The following DNAJC1 variants were observed in gnomAD, a reference collection of about 807,000 sequenced individuals.
DNAJC1 encodes the protein dnaJ homolog subfamily C member 1.
In DNAJC1, 58 loss-of-function variants were observed where a neutral mutation model predicts 76.6. The observed-to-expected ratio is 0.76, with a 90% CI of 0.61 to 0.94. DNAJC1 has a LOEUF of 0.94. DNAJC1 is among the 40% of genes least tolerant of loss of function. The pLI, the probability that DNAJC1 is intolerant of heterozygous loss-of-function variation, is 0.00. For missense variants in DNAJC1, 689 were observed against 677.3 expected (o/e 1.02, Z -0.19); for synonymous variants, 258 against 267.9 (o/e 0.96, Z 0.36).
At chr10:21,910,079 G>A (rs1480908842) in intron 6 of DNAJC1, among the ~76,000 whole-genome samples, 1 of 152,032 alleles carries the variant, frequency 6.6e-6, no homozygotes, top group Non-Finnish European at 1.5e-5. Context: ...TCCAAGATTA[G>A]TAAGCTGTGA....
At chr10:21,942,188 T>C (rs191176561) in intron 1 of DNAJC1, among the ~76,000 whole-genome samples, 8 of 152,284 alleles carry the variant, frequency 5.3e-5, no homozygotes, top group Admixed American at 5.2e-4. Flanking sequence ...ATAGTGTTGA[T>C]ATTAACATTG....
At chr10:21,952,627 C>T (rs1012735789) in intron 1 of DNAJC1, among the ~76,000 whole-genome samples, 2 of 152,098 alleles carry the variant, frequency 1.3e-5, no homozygotes, top group Non-Finnish European at 2.9e-5. Context: ...GGCATAGTGG[C>T]GTGCGCCTGT....
intron 9 of DNAJC1, among the ~76,000 whole-genome samples, chr10:21,793,715 G>A (rs1281232595): frequency 6.6e-6 from 1 of 152,122 alleles, no homozygotes; most frequent in East Asian, 1.9e-4. Flanking sequence ...AGAGGTCAAG[G>A]CAGGAGGATC....
intron 7 of DNAJC1, among the ~76,000 whole-genome samples, chr10:21,895,382 C>T (rs1276580945): frequency 2.0e-5 from 3 of 152,238 alleles, no homozygotes; most frequent in African/African-American, 7.2e-5. Flanking sequence ...TGCAAAGTAG[C>T]AATGAACTTG....
intron 1 of DNAJC1, among the ~76,000 whole-genome samples, chr10:21,931,553 T>C (rs191161462): frequency 1.3e-5 from 2 of 152,338 alleles, no homozygotes; most frequent in African/African-American, 4.8e-5. Context: ...TTATTTTGGC[T>C]GTTTAGGTTC....
intron 8 of DNAJC1, among the ~76,000 whole-genome samples, chr10:21,840,581 C>T (rs979180886): frequency 6.6e-6 from 1 of 152,050 alleles, no homozygotes; most frequent in African/African-American, 2.4e-5. Context: ...AACTACAAAC[C>T]ACTGCTCAAC....
At chr10:21,986,995 T>C (rs867518444) in intron 1 of DNAJC1, among the ~76,000 whole-genome samples, 6 of 152,188 alleles carry the variant, frequency 3.9e-5, no homozygotes, top group Admixed American at 2.0e-4. Context: ...CTCAAACTCC[T>C]GACCTCAAGT....
chr10:21,804,726 G>A (rs1369539976), intron 9 of DNAJC1, among the ~76,000 whole-genome samples: 1 of 150,346 alleles, frequency 6.7e-6, no homozygotes, highest in East Asian at 1.9e-4. Flanking sequence ...CTTCAACTCT[G>A]AAGCAAAAAT....
At chr10:21,833,993 G>A (rs1044046096) in intron 8 of DNAJC1, among the ~76,000 whole-genome samples, 11 of 152,188 alleles carry the variant, frequency 7.2e-5, no homozygotes, top group African/African-American at 2.4e-4. Flanking sequence ...GGCCAGGTGC[G>A]GTGGCTCACA....
At chr10:21,836,432 T>C (rs1305985394) in intron 8 of DNAJC1, among the ~76,000 whole-genome samples, 1 of 152,096 alleles carries the variant, frequency 6.6e-6, no homozygotes, top group Admixed American at 6.5e-5. Context: ...ACGAGCAACA[T>C]AACCAGCTAA....
intron 10 of DNAJC1, among the ~76,000 whole-genome samples, chr10:21,765,246 T>C (rs188161013): frequency 5.9e-5 from 9 of 152,274 alleles, no homozygotes; most frequent in Admixed American, 6.5e-5. Context: ...ACGTTTATTT[T>C]TCAGAAATGG....
At chr10:21,801,878 C>T (rs534478215) in intron 9 of DNAJC1, among the ~76,000 whole-genome samples, 1 of 152,096 alleles carries the variant, frequency 6.6e-6, no homozygotes, top group African/African-American at 2.4e-5. Flanking sequence ...CCTTAGCAAA[C>T]TAACGCAGGA....
At chr10:21,954,345 C>T (rs1001422734) in intron 1 of DNAJC1, among the ~76,000 whole-genome samples, 3 of 152,154 alleles carry the variant, frequency 2.0e-5, no homozygotes, top group Admixed American at 6.5e-5. Context: ...AATGTCTTCA[C>T]TAGCCTAGAA....
chr10:21,825,342 G>A (rs970989964), intron 8 of DNAJC1, among the ~76,000 whole-genome samples: 5 of 152,140 alleles, frequency 3.3e-5, no homozygotes, highest in Non-Finnish European at 7.4e-5. Context: ...TTCTTTCAGT[G>A]TTCATCCCCA....
intron 1 of DNAJC1, among the ~76,000 whole-genome samples, chr10:21,984,613 T>TA (rs1485163326): frequency 6.6e-6 from 1 of 152,214 alleles, no homozygotes; most frequent in Non-Finnish European, 1.5e-5. Flanking sequence ...ATAGGAGTTC[T>TA]ACTAAAAGGA....
At chr10:21,960,298 A>G (rs1564838940) in intron 1 of DNAJC1, among the ~76,000 whole-genome samples, 2 of 152,228 alleles carry the variant, frequency 1.3e-5, no homozygotes, top group South Asian at 2.1e-4. Context: ...AAATAACAGG[A>G]AAGAACAGAA....
At chr10:21,897,801 A>C (rs1836568033) in intron 7 of DNAJC1, among the ~76,000 whole-genome samples, 1 of 152,184 alleles carries the variant, frequency 6.6e-6, no homozygotes, top group East Asian at 1.9e-4. Context: ...CTTTCCCCTT[A>C]AGGTTTGGAA....
intron 9 of DNAJC1, among the ~76,000 whole-genome samples, chr10:21,780,786 A>G (rs1025211497): frequency 6.6e-6 from 1 of 152,218 alleles, no homozygotes; most frequent in Non-Finnish European, 1.5e-5. Context: ...CTCCAATTAA[A>G]AGACACAGAC....
chr10:21,889,011 G>A (rs1032322419), intron 7 of DNAJC1, among the ~76,000 whole-genome samples: 3 of 152,062 alleles, frequency 2.0e-5, no homozygotes, highest in Non-Finnish European at 4.4e-5. Context: ...TTTTCAAAAT[G>A]TATTAGTTCA....
Sources: allele counts gnomAD v4.1 joint callset (sites outside exome capture counted in the v4.1 genomes callset), GRCh38; gene constraint gnomAD v4.1.1; transcripts MANE v1.5; gene names NCBI Gene and HGNC (gene_info 2026-07-23, HGNC 2026-07-21).